MFSD11: variants seen among roughly 807,000 people sequenced by gnomAD.
The protein encoded by MFSD11 is major facilitator superfamily domain containing 11.
In MFSD11, 36 loss-of-function variants were observed where a neutral mutation model predicts 53.5. The ratio of observed to expected loss-of-function variants is 0.67; its 90% confidence interval spans 0.52 to 0.89. The LOEUF is 0.89. MFSD11 is among the 40% of genes least tolerant of loss of function. MFSD11 has a pLI of 0.00. For missense variants in MFSD11, 530 were observed against 543.9 expected (o/e 0.97, Z 0.25); for synonymous variants, 186 against 184.9 (o/e 1.01, Z -0.05).
At chr17:76,748,099 G>C (rs1433534528) in intron 7 of MFSD11, 1 of 144,048 alleles carries the variant, frequency 6.9e-6, no homozygotes, top group Non-Finnish European at 1.5e-5. Flanking sequence ...GGGGAGAGTG[G>C]GGGGGAGGGG....
intron 8 of MFSD11, among the ~76,000 whole-genome samples, chr17:76,764,039 A>G (rs2080551573): frequency 6.6e-6 from 1 of 151,706 alleles, no homozygotes; most frequent in African/African-American, 2.4e-5. Context: ...ATTTTTTTGT[A>G]TTTTTAATAG....
chr17:76,800,769 T>C, the MFSD11 span, among the ~76,000 whole-genome samples: 1 of 152,058 alleles, frequency 6.6e-6, no homozygotes, highest in Non-Finnish European at 1.5e-5. Context: ...TTTCCTGTAT[T>C]TATCCTTCTA....
chr17:76,742,572 G>A (rs921625089), intron 5 of MFSD11, among the ~76,000 whole-genome samples: 11 of 151,512 alleles, frequency 7.3e-5, no homozygotes, highest in African/African-American at 1.9e-4. Flanking sequence ...GCACGATCTC[G>A]GCTTACTGCA....
rs769715737 is a variant in MFSD11, at chr17:76,769,765, C to T, written c.768C>T (p.Phe256=). ...CTAAAGGTCTGGAATTAACTTTCTT[C>T]TCTGGTGTATATGGAACCTGTATTG... ...TAYTGLELTF[F]SGVYGTCIGA... Residue 256 remains phenylalanine (F), a synonymous_variant, in exon 10 of 13, where the codon TTC becomes TTT. Coordinates refer to ENST00000685175, the MANE Select transcript of MFSD11 (RefSeq NM_001242532.5). The T allele has an allele frequency of 1.3e-6, 2 of 1,599,786 alleles. No homozygotes were observed. The highest frequency in any genetic ancestry group is 1.7e-6 in the Non-Finnish European group (2 of 1,174,686).
intron 9 of MFSD11, among the ~76,000 whole-genome samples, chr17:76,769,003 A>G (rs1478872876): frequency 6.6e-6 from 1 of 151,050 alleles, no homozygotes; most frequent in African/African-American, 2.5e-5. Flanking sequence ...AAAAAAAAAA[A>G]GAATGTTCCT....
In MFSD11 at chr17:76,741,923, T is replaced by G. The variant is rs2078121803; in HGVS notation, c.261-46T>G. 4.3e-6 allele frequency: 7 copies of G among 1,613,410 alleles called. No individual in the cohort carries two copies. The Admixed American group carries it at 1.2e-4, about 27-fold the overall frequency. On this transcript the variant is annotated intron_variant, in intron 3 of 12. Coordinates refer to ENST00000685175, the MANE Select transcript of MFSD11 (RefSeq NM_001242532.5). ...CCTAGAAGGCATAATTGGCATTCTA[T>G]TTCAGGTATCGTTTGACTGTAATAC...
At chr17:76,745,897 G>A (rs540206492) in intron 7 of MFSD11, among the ~76,000 whole-genome samples, 3 of 151,992 alleles carry the variant, frequency 2.0e-5, no homozygotes, top group Admixed American at 6.6e-5. Context: ...GCATGATCTC[G>A]GCTCACTGCA....
chr17:76,778,456 C>A lies in MFSD11; in HGVS notation c.*104C>A. The A allele has an allele frequency of 8.6e-7, 1 of 1,160,962 alleles. No individual in the cohort carries two copies. Among genetic ancestry groups the A allele is most frequent in the Non-Finnish European group, 1.2e-6 (1 of 809,078 alleles). The allele number at this position is 1,160,962 out of a possible 1,614,324, so 71.9% of individuals were successfully genotyped here. On this transcript the variant is annotated 3_prime_UTR_variant, in exon 13 of 13. Coordinates refer to ENST00000685175, the MANE Select transcript of MFSD11 (RefSeq NM_001242532.5). The stretch of plus-strand genomic sequence containing the variant: ...TCTTCACTATATATTGGGTGATGTT[C>A]AGTATGGAAAATCAAGGGATTAAGA...
chr17:76,780,039 T>C (rs2082119162), downstream of MFSD11, among the ~76,000 whole-genome samples: 1 of 152,200 alleles, frequency 6.6e-6, no homozygotes, highest in Non-Finnish European at 1.5e-5. Flanking sequence ...TGGGGAGATG[T>C]TAAATGGAAG....
chr17:76,739,921 C>T (rs1382636463), intron 2 of MFSD11, among the ~76,000 whole-genome samples: 1 of 151,800 alleles, frequency 6.6e-6, no homozygotes, highest in Non-Finnish European at 1.5e-5. Context: ...AATCCCAGCG[C>T]TTTGGGAGGC....
intron 11 of MFSD11, among the ~76,000 whole-genome samples, chr17:76,775,791 C>G (rs2081775751): frequency 6.6e-6 from 1 of 152,076 alleles, no homozygotes; most frequent in Non-Finnish European, 1.5e-5. Context: ...CCTAACTGGT[C>G]AGTGTAATGC....
At chr17:76,803,014 G>A in the MFSD11 span, among the ~76,000 whole-genome samples, 6 of 152,148 alleles carry the variant, frequency 3.9e-5, no homozygotes, top group East Asian at 3.9e-4. Context: ...AAAATTAGCC[G>A]GGCGTGGTGG....
At position 76,738,834 on chromosome 17, in the gene MFSD11, G is replaced by A. The variant is rs1598452405; in HGVS notation, c.97-104G>A. The A allele has an allele frequency of 4.6e-6, 4 of 872,534 alleles. No homozygotes were observed. The Admixed American group carries it at 8.0e-5, about 18-fold the overall frequency. 54.0% of individuals were successfully genotyped at this position (872,534 alleles called of 1,614,324 possible). Reference sequence around the variant, plus strand: ...TGGACTTCAGTATTAAGTACATTATGAACTTTTACTTTATTCTCTTGCTGA... The same window carrying A: ...TGGACTTCAGTATTAAGTACATTATAAACTTTTACTTTATTCTCTTGCTGA... On this transcript the variant is annotated intron_variant, in intron 1 of 12. Coordinates refer to ENST00000685175, the MANE Select transcript of MFSD11 (RefSeq NM_001242532.5).
intron 2 of MFSD11, among the ~76,000 whole-genome samples, chr17:76,740,683 T>G (rs1489466652): frequency 6.6e-6 from 1 of 152,242 alleles, no homozygotes; most frequent in Non-Finnish European, 1.5e-5. Flanking sequence ...TATAAGGTAC[T>G]TGGCACAGTT....
chr17:76,738,302 C>G lies in MFSD11; in HGVS notation c.-51C>G. 3 of 1,247,182 alleles carry G rather than the reference C, an allele frequency of 2.4e-6. No individual in the cohort carries two copies. The highest frequency in any genetic ancestry group is 2.4e-5 in the South Asian group (2 of 82,256). 77.3% of individuals were successfully genotyped at this position (1,247,182 alleles called of 1,614,324 possible). ...TCCAGGATTGTCAGTGGCTTCGCCC[C>G]GAGGAGAGCTGACTGCCCTGGGCTG... On this transcript the variant is annotated 5_prime_UTR_variant, in exon 1 of 13. Transcript: ENST00000685175.
chr17:76,750,513 C>T (rs573401746), intron 7 of MFSD11, among the ~76,000 whole-genome samples: 2 of 151,714 alleles, frequency 1.3e-5, no homozygotes, highest in Admixed American at 1.3e-4. Context: ...TCCTGCCACA[C>T]GCCCGGCTAA....
chr17:76,774,582 G>A (rs1438821039), intron 10 of MFSD11, among the ~76,000 whole-genome samples: 1 of 152,066 alleles, frequency 6.6e-6, no homozygotes, highest in African/African-American at 2.4e-5. Flanking sequence ...ACTCCCCTTC[G>A]GAGCTCACAC....
the MFSD11 span, among the ~76,000 whole-genome samples, chr17:76,796,966 G>A: frequency 1.3e-5 from 2 of 151,970 alleles, no homozygotes; most frequent in Non-Finnish European, 2.9e-5. Context: ...TCAGGAGTTC[G>A]AGACCAGCCT....
chr17:76,788,119 C>G, the MFSD11 span, among the ~76,000 whole-genome samples: 705 of 149,296 alleles, frequency 4.7e-3, 28 homozygotes, highest in African/African-American at 0.016. Context: ...CAGCTCACTG[C>G]AAGCTCCGCC....
Sources: gnomAD v4.1 joint callset for allele counts (sites outside exome capture counted in the v4.1 genomes callset) on GRCh38, gnomAD v4.1.1 for gene constraint, MANE v1.5 for transcripts, NCBI Gene and HGNC (gene_info 2026-07-23, HGNC 2026-07-21) for gene names.